The following SRSF12 variants were observed in gnomAD, a reference collection of about 807,000 sequenced individuals.
SRSF12 encodes the protein serine/arginine-rich splicing factor 12.
A neutral mutation model predicts 34.1 loss-of-function variants in SRSF12; 21 were observed. That is an observed-to-expected ratio of 0.62 (90% CI 0.44 to 0.89). The LOEUF (loss-of-function observed/expected upper bound fraction) is 0.89, where lower values mean the gene tolerates loss of function less well. Ranked by LOEUF, SRSF12 falls within the 40% of genes least tolerant of loss-of-function variation. SRSF12 has a pLI of 0.00. For synonymous variants in SRSF12, 111 were observed against 110.8 expected, an observed-to-expected ratio of 1.00 and a Z score of -0.01; for missense variants, 278 against 327.8, an observed-to-expected ratio of 0.85 and a Z score of 1.17.
intron 1 of SRSF12, among the ~76,000 whole-genome samples, chr6:89,114,302 T>A (rs1211821418): frequency 6.6e-6 from 1 of 151,952 alleles, no homozygotes; most frequent in African/African-American, 2.4e-5. Context: ...GTGGCACACA[T>A]CTGTAATCCC....
intron 1 of SRSF12, among the ~76,000 whole-genome samples, chr6:89,108,254 G>A (rs981670963): frequency 2.6e-5 from 4 of 152,140 alleles, no homozygotes; most frequent in Non-Finnish European, 5.9e-5. Context: ...AGCAATAATA[G>A]CTAACAGTTA....
rs1769397855 is a variant in SRSF12 at position 89,117,996 on chromosome 6, C to CGA, written c.-110_-109insTC. 8.1e-7 allele frequency: 1 copy of CGA among 1,231,732 alleles called. No homozygotes were observed. The highest frequency in any genetic ancestry group is 1.1e-6 in the Non-Finnish European group (1 of 900,904). The allele number at this position is 1,231,732 out of a possible 1,614,324, so 76.3% of individuals were successfully genotyped here. On this transcript the variant is annotated 5_prime_UTR_variant, in exon 1 of 5. Coordinates refer to ENST00000452027, the MANE Select transcript of SRSF12 (RefSeq NM_080743.5). ...GCTCCGCCGGCCCCCGGCGCGACCCCCACCCCTCGGCCTCAGCCCCGCCAG... is the reference window on the plus strand; with the variant it reads ...GCTCCGCCGGCCCCCGGCGCGACCCCGACACCCCTCGGCCTCAGCCCCGCCAG...
chr6:89,099,879 T>C (rs756277413), intron 4 of SRSF12, among the ~76,000 whole-genome samples: 1 of 152,098 alleles, frequency 6.6e-6, no homozygotes, highest in Non-Finnish European at 1.5e-5. Flanking sequence ...ATAAAACAAC[T>C]GTTCGAAGGC....
intron 1 of SRSF12, among the ~76,000 whole-genome samples, chr6:89,108,513 C>T (rs1768896064): frequency 1.3e-5 from 2 of 152,306 alleles, no homozygotes; most frequent in Middle Eastern, 3.4e-3. Flanking sequence ...AACCACTACA[C>T]CCTACTGCTT....
chr6:89,106,738 C>CT, intron 2 of SRSF12: 1 of 327,874 alleles, frequency 3.0e-6, no homozygotes, highest in Non-Finnish European at 6.1e-6. Flanking sequence ...GCAAGATGGA[C>CT]TTTATAAGAG....
intron 4 of SRSF12, among the ~76,000 whole-genome samples, chr6:89,100,522 T>TAAAAAAA (rs35086229): frequency 6.9e-6 from 1 of 144,742 alleles, no homozygotes; most frequent in African/African-American, 2.5e-5. Flanking sequence ...CATGTTATGT[T>TAAAAAAA]AAAAAAAAAA....
chr6:89,099,482 G>A (rs1483667784), intron 4 of SRSF12, among the ~76,000 whole-genome samples: 16 of 136,344 alleles, frequency 1.2e-4, no homozygotes, highest in Admixed American at 8.8e-4. Context: ...ATATATATAT[G>A]TGTGTGTATA....
intron 4 of SRSF12, among the ~76,000 whole-genome samples, chr6:89,103,330 TC>T (rs1768621835): frequency 1.3e-5 from 2 of 150,106 alleles, no homozygotes; most frequent in African/African-American, 5.0e-5. Flanking sequence ...CAATTTAAAT[TC>T]TTTTTTTTTT....
chr6:89,105,026 C>G (rs554532253), intron 4 of SRSF12, 93 bp downstream of exon 4: 2 of 1,329,294 alleles, frequency 1.5e-6, no homozygotes, highest in African/African-American at 1.5e-5. Context: ...CTACTGCACT[C>G]CAGCCTGGGA....
At chr6:89,103,489 C>A (rs1768630088) in intron 4 of SRSF12, among the ~76,000 whole-genome samples, 1 of 152,118 alleles carries the variant, frequency 6.6e-6, no homozygotes. Context: ...CCACCACACC[C>A]ACCTAATTTT....
chr6:89,110,670 C>T (rs1305174296), intron 1 of SRSF12, among the ~76,000 whole-genome samples: 1 of 152,246 alleles, frequency 6.6e-6, no homozygotes, highest in Non-Finnish European at 1.5e-5. Context: ...CACTGTGAAT[C>T]GGCCTTAGGT....
Position 89,098,520 on chromosome 6 carries a change from CATA to C in SRSF12, c.*55_*57del. 1 of 1,512,064 alleles carries C rather than the reference CATA, an allele frequency of 6.6e-7. No individual in the cohort carries two copies. Among genetic ancestry groups the C allele is most frequent in the Non-Finnish European group, 8.8e-7 (1 of 1,133,024 alleles). 93.7% of individuals were successfully genotyped at this position (1,512,064 alleles called of 1,614,324 possible). A position where few individuals can be genotyped will look rare whatever the true frequency, so the allele number is the denominator to read the frequency against. On this transcript the variant is annotated 3_prime_UTR_variant, in exon 5 of 5. Transcript: ENST00000452027. Reference sequence around the variant, plus strand: ...TATGCCTTAAAGAATTTTTATTTAACATAATGAGAGTTTAATAACTTATATTAA... The same window carrying C: ...TATGCCTTAAAGAATTTTTATTTAACATGAGAGTTTAATAACTTATATTAA...
intron 4 of SRSF12, among the ~76,000 whole-genome samples, chr6:89,099,715 A>G (rs1159021240): frequency 6.6e-6 from 1 of 151,798 alleles, no homozygotes; most frequent in Non-Finnish European, 1.5e-5. Context: ...TTGTATTTTC[A>G]GTAGAGATGG....
chr6:89,101,732 C>T (rs1322260293), intron 4 of SRSF12, among the ~76,000 whole-genome samples: 1 of 151,936 alleles, frequency 6.6e-6, no homozygotes, highest in Non-Finnish European at 1.5e-5. Context: ...ATCTGAAAAC[C>T]TTGCCAGAGA....
Position 89,096,033 on chromosome 6 carries a change from A to C in SRSF12, c.*2545T>G, listed in dbSNP as rs1768278264. 6.6e-6 allele frequency: 1 copy of C among 152,240 alleles called. No homozygotes were observed. Among genetic ancestry groups the C allele is most frequent in the African/African-American group, 2.4e-5 (1 of 41,464 alleles). The allele number at this position is 152,240 out of a possible 1,614,324, so 9.4% of individuals were successfully genotyped here. A position where few individuals can be genotyped will look rare whatever the true frequency, so the allele number is the denominator to read the frequency against. On this transcript the variant is annotated 3_prime_UTR_variant, in exon 5 of 5. Coordinates refer to ENST00000452027, the MANE Select transcript of SRSF12 (RefSeq NM_080743.5). Reference sequence around the variant, plus strand: ...GGGCCAAGAAACAATTCTATGACAAAAGTGAACCCTGGAATATAGATATTC... The same window carrying C: ...GGGCCAAGAAACAATTCTATGACAACAGTGAACCCTGGAATATAGATATTC...
In SRSF12 at chr6:89,102,178, C is replaced by T. The variant is rs570846072; in HGVS notation, c.416+2941G>A. On this transcript the variant is annotated intron_variant, in intron 4 of 4. Coordinates refer to ENST00000452027, the MANE Select transcript of SRSF12 (RefSeq NM_080743.5). ...TTTGTTTCTGAGACAGAGTCTTGCTCTGTCACTCAGGCTGGAGTGCAGTGG... is the reference window on the plus strand; with the variant it reads ...TTTGTTTCTGAGACAGAGTCTTGCTTTGTCACTCAGGCTGGAGTGCAGTGG... Among the ~76,000 whole-genome samples, 7 of 152,172 alleles carry T rather than the reference C, an allele frequency of 4.6e-5. No individual in the cohort carries two copies. In the South Asian group the frequency reaches 1.5e-3, roughly 32 times the overall value.
Position 89,098,497 on chromosome 6 carries a change from T to G in SRSF12, c.*81A>C, listed in dbSNP as rs1249378137. On this transcript the variant is annotated 3_prime_UTR_variant, in exon 5 of 5. Transcript: ENST00000452027. ...CTAATATCAACTCGCATTTTCTGTA[T>G]GCCTTAAAGAATTTTTATTTAACAT... 8.8e-6 allele frequency: 13 copies of G among 1,474,056 alleles called. No homozygotes were observed. Among genetic ancestry groups the G allele is most frequent in the Non-Finnish European group, 8.1e-6 (9 of 1,110,304 alleles). The allele number at this position is 1,474,056 out of a possible 1,614,324, so 91.3% of individuals were successfully genotyped here. A position where few individuals can be genotyped will look rare whatever the true frequency, so the allele number is the denominator to read the frequency against.
chr6:89,100,512 CATGTT>C (rs971134659), intron 4 of SRSF12, among the ~76,000 whole-genome samples: 10 of 98,454 alleles, frequency 1.0e-4, no homozygotes, highest in Admixed American at 3.3e-4. Flanking sequence ...TCCATGTCCA[CATGTT>C]ATGTTAAAAA....
intron 1 of SRSF12, among the ~76,000 whole-genome samples, chr6:89,108,316 C>A (rs2127993952): frequency 6.6e-6 from 1 of 152,328 alleles, no homozygotes; most frequent in East Asian, 1.9e-4. Flanking sequence ...TTAATTCTTA[C>A]AATTTCCCTG....
Sources: allele counts gnomAD v4.1 joint callset (sites outside exome capture counted in the v4.1 genomes callset), GRCh38; gene constraint gnomAD v4.1.1; transcripts MANE v1.5; gene names NCBI Gene and HGNC (gene_info 2026-07-23, HGNC 2026-07-21).